The following SLC25A13 variants were observed in gnomAD, a reference collection of about 807,000 sequenced individuals.
SLC25A13 encodes the protein electrogenic aspartate/glutamate antiporter SLC25A13, mitochondrial.
A neutral mutation model predicts 85.5 loss-of-function variants in SLC25A13; 70 were observed. The ratio of observed to expected loss-of-function variants is 0.82; its 90% CI spans 0.68 to 1.00. The LOEUF is 1.00. Among genes scored for constraint, SLC25A13 ranks in the 50% least tolerant of loss-of-function variants. The pLI, the probability that SLC25A13 is intolerant of heterozygous loss-of-function variation, is 0.00. For synonymous variants in SLC25A13, 259 were observed against 288.7 expected (o/e 0.90, Z 1.04); for missense variants, 765 against 819.8 (o/e 0.93, Z 0.82).
At chr7:96,203,783 G>T (rs1231835780) in intron 5 of SLC25A13, among the ~76,000 whole-genome samples, 1 of 152,110 alleles carries the variant, frequency 6.6e-6, no homozygotes, top group Non-Finnish European at 1.5e-5. Flanking sequence ...ACCTGGAAAT[G>T]ACAGTACAAT....
Position 96,210,252 on chromosome 7 carries a change from C to T in SLC25A13, c.329-1275G>A, listed in dbSNP as rs548338919. Among the ~76,000 whole-genome samples the T allele has an allele frequency of 7.8e-3, 1,187 of 152,280 alleles. 4 individuals are homozygous for T. Among genetic ancestry groups the T allele is most frequent in the Non-Finnish European group, 0.011 (726 of 68,016 alleles). ...ATAAAACATGGCAGAAATCCTCAGA[C>T]TGGCCCTGATGAGGACAATAAAAGT... On this transcript the variant is annotated intron_variant, in intron 4 of 17. Transcript: ENST00000265631.
chr7:96,221,431 C>T (rs963359736), intron 4 of SLC25A13, among the ~76,000 whole-genome samples: 1 of 152,162 alleles, frequency 6.6e-6, no homozygotes, highest in Non-Finnish European at 1.5e-5. Flanking sequence ...CAAAATGACA[C>T]ATTATTTTTG....
intron 13 of SLC25A13, among the ~76,000 whole-genome samples, chr7:96,150,354 C>A (rs1331328423): frequency 1.3e-5 from 2 of 152,014 alleles, no homozygotes; most frequent in Non-Finnish European, 2.9e-5. Context: ...ATTCATTAAA[C>A]ATCTATTATG....
intron 15 of SLC25A13, among the ~76,000 whole-genome samples, chr7:96,126,631 C>T (rs970428279): frequency 6.6e-6 from 1 of 152,196 alleles, no homozygotes; most frequent in Non-Finnish European, 1.5e-5. Flanking sequence ...TCAGCCCTTG[C>T]ATTAGAGGTA....
chr7:96,183,577 C>T (rs968267868), intron 11 of SLC25A13, among the ~76,000 whole-genome samples: 4 of 152,152 alleles, frequency 2.6e-5, no homozygotes, highest in African/African-American at 4.8e-5. Flanking sequence ...AGGCAATCCC[C>T]GAAAGAACAG....
chr7:96,289,905 A>G (rs7793168), intron 2 of SLC25A13, among the ~76,000 whole-genome samples: 149,643 of 152,210 alleles, frequency 0.98, 73,597 homozygotes, highest in Middle Eastern at 1. Context: ...AGGAAATACA[A>G]AGAACGCCAC....
intron 5 of SLC25A13, 60 bp downstream of exon 5, chr7:96,208,778 T>C (rs1015487039): frequency 1.2e-6 from 2 of 1,601,722 alleles, no homozygotes; most frequent in Non-Finnish European, 1.7e-6. Flanking sequence ...GTGCTAGGAT[T>C]ATAGGTGTGA....
chr7:96,177,328 C>T (rs1431471149), intron 11 of SLC25A13, among the ~76,000 whole-genome samples: 1 of 152,188 alleles, frequency 6.6e-6, no homozygotes, highest in Non-Finnish European at 1.5e-5. Context: ...CAAAACAACA[C>T]ATTTCAACTA....
chr7:96,244,034 G>A (rs1339918611), intron 3 of SLC25A13, among the ~76,000 whole-genome samples: 1 of 152,142 alleles, frequency 6.6e-6, no homozygotes, highest in Non-Finnish European at 1.5e-5. Context: ...AGTTAGAAGC[G>A]GCTACAGTAG....
intron 3 of SLC25A13, among the ~76,000 whole-genome samples, chr7:96,235,524 T>C (rs959477598): frequency 6.6e-6 from 1 of 152,152 alleles, no homozygotes; most frequent in African/African-American, 2.4e-5. Flanking sequence ...ACTAGTATGG[T>C]AATAAAAGTC....
intron 13 of SLC25A13, among the ~76,000 whole-genome samples, chr7:96,158,785 T>C (rs1793386157): frequency 6.6e-6 from 1 of 152,350 alleles, no homozygotes; most frequent in South Asian, 2.1e-4. Context: ...GTGATTTATG[T>C]TTCATTAAGA....
At chr7:96,204,562 GAAAAAGGAA>G (rs1795387356) in intron 5 of SLC25A13, among the ~76,000 whole-genome samples, 1 of 151,780 alleles carries the variant, frequency 6.6e-6, no homozygotes, top group African/African-American at 2.4e-5. Flanking sequence ...AGAAAGAAAA[GAAAAAGGAA>G]AAAAAAATTT....
intron 2 of SLC25A13, among the ~76,000 whole-genome samples, chr7:96,281,814 T>G (rs1264934007): frequency 1.3e-5 from 2 of 152,174 alleles, no homozygotes; most frequent in Non-Finnish European, 2.9e-5. Flanking sequence ...GGCACAGAAA[T>G]AGTTTTCTCC....
intron 4 of SLC25A13, among the ~76,000 whole-genome samples, chr7:96,231,443 G>A (rs971836894): frequency 1.3e-4 from 20 of 152,088 alleles, no homozygotes; most frequent in Non-Finnish European, 2.9e-4. Context: ...GTGGGGGAAA[G>A]GCCAGGCGTG....
chr7:96,196,972 G>A (rs1040588475), intron 5 of SLC25A13, among the ~76,000 whole-genome samples: 2 of 152,160 alleles, frequency 1.3e-5, no homozygotes, highest in African/African-American at 4.8e-5. Flanking sequence ...ATTAATTCAT[G>A]GAATGCTTAC....
chr7:96,141,347 C>T (rs1474649490), intron 14 of SLC25A13, among the ~76,000 whole-genome samples: 2 of 152,150 alleles, frequency 1.3e-5, no homozygotes, highest in African/African-American at 4.8e-5. Context: ...TTGATAGCTG[C>T]CCTGTCCTAC....
intron 15 of SLC25A13, among the ~76,000 whole-genome samples, chr7:96,122,297 T>A (rs1791546624): frequency 6.6e-6 from 1 of 152,208 alleles, no homozygotes; most frequent in Non-Finnish European, 1.5e-5. Context: ...TAACACTACT[T>A]CAAGTGGTTG....
intron 13 of SLC25A13, among the ~76,000 whole-genome samples, chr7:96,150,597 C>G (rs1246400817): frequency 6.6e-6 from 1 of 151,916 alleles, no homozygotes; most frequent in African/African-American, 2.4e-5. Flanking sequence ...AAAAAGAGGT[C>G]TTTAGGGTGG....
At chr7:96,183,254 G>A (rs1033966803) in intron 11 of SLC25A13, among the ~76,000 whole-genome samples, 1 of 152,138 alleles carries the variant, frequency 6.6e-6, no homozygotes, top group Non-Finnish European at 1.5e-5. Context: ...GAGACTTTCT[G>A]GCTTCTAAGG....
Sources: allele counts gnomAD v4.1 joint callset (sites outside exome capture counted in the v4.1 genomes callset), GRCh38; gene constraint gnomAD v4.1.1; transcripts MANE v1.5; gene names NCBI Gene and HGNC (gene_info 2026-07-23, HGNC 2026-07-21).